Variants in HEG1 observed in about 807,000 individuals in gnomAD.
HEG1 encodes the protein heart development protein with EGF like domains 1, also known as protein HEG homolog 1.
HEG1 carries 56 observed loss-of-function variants against 125.6 expected under a neutral mutation model. That is an observed-to-expected ratio of 0.45 (90% CI 0.36 to 0.56). HEG1 has a LOEUF of 0.56. HEG1 is among the 20% of genes least tolerant of loss of function. The pLI is 0.00. For missense variants in HEG1, 1,523 were observed against 1,670.0 expected (o/e 0.91, Z 1.53); for synonymous variants, 644 against 668.5 (o/e 0.96, Z 0.57).
At chr3:124,992,877 C>G (rs1044948336) in intron 12 of HEG1, among the ~76,000 whole-genome samples, 1 of 152,250 alleles carries the variant, frequency 6.6e-6, no homozygotes, top group African/African-American at 2.4e-5. Context: ...TTTGACCCCA[C>G]AGTATCACTT....
chr3:125,048,649 G>C (rs1020458492), intron 1 of HEG1, among the ~76,000 whole-genome samples: 1 of 152,252 alleles, frequency 6.6e-6, no homozygotes, highest in Admixed American at 6.5e-5. Context: ...AATTTAGGGG[G>C]TCTGGATTTT....
chr3:125,034,980 A>AT (rs934167575), intron 1 of HEG1, among the ~76,000 whole-genome samples: 11 of 152,052 alleles, frequency 7.2e-5, no homozygotes, highest in African/African-American at 1.4e-4. Flanking sequence ...TTTAATTTTT[A>AT]TTTTTTTATT....
At chr3:125,016,433 C>T (rs1351279260) in intron 5 of HEG1, among the ~76,000 whole-genome samples, 1 of 152,092 alleles carries the variant, frequency 6.6e-6, no homozygotes, top group East Asian at 1.9e-4. Context: ...CATGAACCAA[C>T]TGAGCATTAA....
rs200798590 is a variant in HEG1 at position 125,005,357 on chromosome 3, C to T, written c.3205G>A (p.Val1069Met). Residue 1069 changes from valine (V) to methionine (M), a missense_variant, in exon 9 of 17, where the codon GTG becomes ATG. Physicochemically the swap from Val to Met is conservative, Grantham distance 21. Coordinates refer to ENST00000311127, the MANE Select transcript of HEG1 (RefSeq NM_020733.2). Reference protein sequence around the residue: ...KGICNLVRTFVTEFKLKRTFL... With the variant: ...KGICNLVRTFMTEFKLKRTFL... Reference sequence around the variant, plus strand: ...GTTCTCTTTAATTTAAACTCTGTCACGAAGGTTCTAACTGAAAATGAAAAT... The same window carrying T: ...GTTCTCTTTAATTTAAACTCTGTCATGAAGGTTCTAACTGAAAATGAAAAT... 55 of 1,560,372 alleles carry T rather than the reference C, an allele frequency of 3.5e-5. No homozygotes were observed. The highest frequency in any genetic ancestry group is 1.7e-4 in the Middle Eastern group (1 of 5,984).
At chr3:125,040,711 C>CTT (rs3061175) in intron 1 of HEG1, among the ~76,000 whole-genome samples, 16 of 147,854 alleles carry the variant, frequency 1.1e-4, no homozygotes, top group African/African-American at 4.0e-4. Context: ...AGAAAACAGG[C>CTT]TTTTTTTTTT....
chr3:125,045,034 G>A (rs981093092), intron 1 of HEG1, among the ~76,000 whole-genome samples: 2 of 152,230 alleles, frequency 1.3e-5, no homozygotes, highest in East Asian at 1.9e-4. Flanking sequence ...GGCAAGAGAC[G>A]AAGATGATGG....
Position 125,005,351 on chromosome 3 carries a change from C to CT in HEG1, c.3210dup (p.Glu1071ArgfsTer3). The CT allele has an allele frequency of 6.3e-7, 1 of 1,576,122 alleles. No individual in the cohort carries two copies. Among genetic ancestry groups the CT allele is most frequent in the Non-Finnish European group, 8.7e-7 (1 of 1,155,912 alleles). On this transcript the variant is annotated frameshift_variant, in exon 9 of 17. Coordinates refer to ENST00000311127, the MANE Select transcript of HEG1 (RefSeq NM_020733.2). LOFTEE classifies it high-confidence loss of function. ...AGAAAAGTTCTCTTTAATTTAAACT[C>CT]TGTCACGAAGGTTCTAACTGAAAAT... is the stretch of plus-strand genomic sequence containing the variant.
chr3:124,992,185 T>C (rs988818351), intron 12 of HEG1, among the ~76,000 whole-genome samples: 62 of 152,174 alleles, frequency 4.1e-4, no homozygotes, highest in African/African-American at 1.5e-3. Context: ...TTCGGACATA[T>C]CTAGATGTGT....
intron 1 of HEG1, among the ~76,000 whole-genome samples, chr3:125,048,657 T>C (rs1209101909): frequency 1.3e-5 from 2 of 152,230 alleles, no homozygotes; most frequent in Admixed American, 1.3e-4. Flanking sequence ...GGGTCTGGAT[T>C]TTATTCTAAG....
Position 125,027,396 on chromosome 3 carries a change from C to A in HEG1, c.722G>T (p.Gly241Val). The change falls in exon 3 of 17, where the codon GGG (glycine) becomes GTG (valine). Residue 241 changes from glycine (G) to valine (V), a missense_variant. By Grantham distance (109) the Gly-to-Val change is moderately radical. Coordinates refer to ENST00000311127, the MANE Select transcript of HEG1 (RefSeq NM_020733.2). ...ASEMGTERAM[G>V]LSEEWTVHSQ... ...GTGCACAGTCCATTCTTCTGACAGCCCCATCGCCCTCTCTGTTCCCATCTC... is the reference window on the plus strand; with the variant it reads ...GTGCACAGTCCATTCTTCTGACAGCACCATCGCCCTCTCTGTTCCCATCTC... The A allele has an allele frequency of 6.2e-7, 1 of 1,614,004 alleles. No homozygotes were observed. Among genetic ancestry groups the A allele is most frequent in the Non-Finnish European group, 8.5e-7 (1 of 1,179,898 alleles).
At chr3:125,044,912 T>C (rs538383851) in intron 1 of HEG1, among the ~76,000 whole-genome samples, 25 of 152,254 alleles carry the variant, frequency 1.6e-4, no homozygotes, top group African/African-American at 4.6e-4. Context: ...TGTAACTCAC[T>C]GTCCAAATGG....
Position 125,031,710 on chromosome 3 carries a change from A to C in HEG1, c.317-2222T>G, listed in dbSNP as rs78866415. 7.0e-3 allele frequency among the ~76,000 whole-genome samples: 1,043 copies of C among 148,004 alleles called. 13 individuals carry two copies. The highest frequency in any genetic ancestry group is 0.022 in the African/African-American group (868 of 40,002). ...ACACACACACCCACATATACCCCCC[A>C]CACACACACATACACACACAGGCAC... is the stretch of plus-strand genomic sequence containing the variant. On this transcript the variant is annotated intron_variant, in intron 1 of 16. Transcript: ENST00000311127.
At chr3:125,025,277 G>A (rs112180721) in intron 3 of HEG1, among the ~76,000 whole-genome samples, 44 of 152,314 alleles carry the variant, frequency 2.9e-4, no homozygotes, top group African/African-American at 9.9e-4. Context: ...GCATCCCCAC[G>A]GGGAGGAGGG....
chr3:125,050,043 T>C (rs1937768324), intron 1 of HEG1, among the ~76,000 whole-genome samples: 1 of 152,044 alleles, frequency 6.6e-6, no homozygotes, highest in South Asian at 2.1e-4. Flanking sequence ...CTTCAAGTCC[T>C]TTTCTCCAGC....
At chr3:125,052,646 T>C (rs1437210473) in intron 1 of HEG1, among the ~76,000 whole-genome samples, 1 of 152,086 alleles carries the variant, frequency 6.6e-6, no homozygotes, top group African/African-American at 2.4e-5. Context: ...GGCTCGGAAG[T>C]CCTGAGTGGT....
At chr3:125,008,446 G>C in intron 8 of HEG1, among the ~76,000 whole-genome samples, 1 of 152,116 alleles carries the variant, frequency 6.6e-6, no homozygotes, top group Non-Finnish European at 1.5e-5. Context: ...GTCACACTGG[G>C]CAATTTAAGA....
At chr3:125,003,949 A>C (rs1460529969) in intron 9 of HEG1, among the ~76,000 whole-genome samples, 1 of 152,200 alleles carries the variant, frequency 6.6e-6, no homozygotes, top group Non-Finnish European at 1.5e-5. Context: ...CCTCTAGTGA[A>C]TTATTGAAAC....
At chr3:124,985,787 G>A (rs989063441) in intron 14 of HEG1, among the ~76,000 whole-genome samples, 11 of 152,106 alleles carry the variant, frequency 7.2e-5, no homozygotes, top group African/African-American at 1.4e-4. Context: ...ATATTTATTC[G>A]TTTATTTTTT....
chr3:125,004,681 G>T (rs940572154), intron 9 of HEG1, among the ~76,000 whole-genome samples: 1 of 151,684 alleles, frequency 6.6e-6, no homozygotes, highest in Admixed American at 6.6e-5. Context: ...GTAGAGACAG[G>T]GTCTTGCCAT....
Sources: gnomAD v4.1 joint callset for allele counts (sites outside exome capture counted in the v4.1 genomes callset) on GRCh38, gnomAD v4.1.1 for gene constraint, MANE v1.5 for transcripts, NCBI Gene and HGNC (gene_info 2026-07-23, HGNC 2026-07-21) for gene names.